The following ENG variants were observed in gnomAD, a reference collection of about 807,000 sequenced individuals.
The protein encoded by ENG is endoglin.
In ENG, 17 loss-of-function variants were observed where a neutral mutation model predicts 71.0. The ratio of observed to expected loss-of-function variants is 0.24; its 90% confidence interval spans 0.16 to 0.36. The LOEUF (loss-of-function observed/expected upper bound fraction) is 0.36. ENG is among the 10% of genes least tolerant of loss of function. The pLI is 1.00. For synonymous variants in ENG, 360 were observed against 366.9 expected (o/e 0.98, Z 0.21); for missense variants, 749 against 868.3 (o/e 0.86, Z 1.73).
chr9:127,825,165 G>A, intron 6 of ENG, 66 bp downstream of exon 6: 5 of 1,612,916 alleles, frequency 3.1e-6, no homozygotes, highest in Non-Finnish European at 4.2e-6. Flanking sequence ...CACCTTTCCA[G>A]GAAACTTCCC....
chr9:127,850,027 C>A (rs960427276), intron 1 of ENG, among the ~76,000 whole-genome samples: 2 of 152,194 alleles, frequency 1.3e-5, no homozygotes, highest in South Asian at 2.1e-4. Context: ...ATCCCACCCC[C>A]ACTCCTGCCA....
chr9:127,815,199 C>T lies in ENG; in HGVS notation c.*483G>A, dbSNP rs1309225850. On this transcript the variant is annotated 3_prime_UTR_variant, in exon 15 of 15. Coordinates refer to ENST00000373203, the MANE Select transcript of ENG (RefSeq NM_001114753.3). The stretch of plus-strand genomic sequence containing the variant: ...CTCCCAGGCTGGGCTCCGCTAGGCT[C>T]CTGTCTCCCCTGCCAGTTAGTTAGG... The T allele has an allele frequency of 6.4e-6, 1 of 155,594 alleles. No homozygotes were observed. Among genetic ancestry groups the T allele is most frequent in the Non-Finnish European group, 1.4e-5 (1 of 70,582 alleles). 9.6% of individuals were successfully genotyped at this position (155,594 alleles called of 1,614,324 possible).
At position 127,836,153 on chromosome 9, in the gene ENG, G is replaced by A. The variant is rs868092677; in HGVS notation, c.220-6326C>T. Among the ~76,000 whole-genome samples the A allele has an allele frequency of 6.6e-5, 10 of 152,272 alleles. No homozygotes were observed. The highest frequency in any genetic ancestry group is 3.4e-3 in the Middle Eastern group (1 of 294). On this transcript the variant is annotated intron_variant, in intron 2 of 14. Transcript: ENST00000373203. This position sits in a 1 kb window ranked among gnomAD's most constrained non-coding sequence, Gnocchi z 4.0. ...CACACCGACTTCCCCCTTCTCTCCC[G>A]GCCGGGGGCCCCAGAGGCAAAAAAC...
chr9:127,829,693 C>T lies in ENG; in HGVS notation c.354G>A (p.Leu118=), dbSNP rs772534014. ...HLQALGIPLH[L]AYNSSLVTFQ... is the part of the protein sequence containing the mutation. ...TTGGAGGGAACACACTCACGTAGGCCAAGTGCAGTGGGATTCCCAGGGCCT... is the reference window on the plus strand; with the variant it reads ...TTGGAGGGAACACACTCACGTAGGCTAAGTGCAGTGGGATTCCCAGGGCCT... The change falls in exon 3 of 15, where the codon TTG becomes TTA. Residue 118 remains leucine (L), a synonymous_variant. Coordinates refer to ENST00000373203, the MANE Select transcript of ENG (RefSeq NM_001114753.3). 19 of 1,613,950 alleles carry T rather than the reference C, an allele frequency of 1.2e-5. No individual in the cohort carries two copies. Among genetic ancestry groups the T allele is most frequent in the Non-Finnish European group, 1.5e-5 (18 of 1,179,998 alleles).
At chr9:127,837,283 G>T (rs1419861351) in intron 2 of ENG, among the ~76,000 whole-genome samples, 4 of 152,168 alleles carry the variant, frequency 2.6e-5, no homozygotes, top group Non-Finnish European at 5.9e-5. Context: ...GCAGGGAGGA[G>T]TTGAGCTCAG....
intron 1 of ENG, among the ~76,000 whole-genome samples, chr9:127,845,859 A>G (rs544497870): frequency 6.6e-6 from 1 of 152,238 alleles, no homozygotes; most frequent in East Asian, 1.9e-4. Flanking sequence ...GTTGTGCGCC[A>G]CCACGCCTGG....
Position 127,817,154 on chromosome 9 carries a change from A to G in ENG, c.1736T>C (p.Leu579Pro), listed in dbSNP as rs776499966. Residue 579 changes from leucine (L) to proline (P), a missense_variant, in exon 13 of 15, where the codon CTG becomes CCG. Leu to Pro is a moderately conservative substitution (Grantham distance 98). Coordinates refer to ENST00000373203, the MANE Select transcript of ENG (RefSeq NM_001114753.3). ...GAGACCTGGAGGGAGCTCACCAGAC[A>G]GGTCAGGGCTGATGATGTTCAAGCG... The part of the protein sequence containing the change: ...FMRLNIISPD[L>P]SGCTSKGLVL... The G allele has an allele frequency of 1.9e-6, 3 of 1,614,204 alleles. No individual in the cohort carries two copies. Among genetic ancestry groups the G allele is most frequent in the Non-Finnish European group, 2.5e-6 (3 of 1,180,026 alleles).
intron 4 of ENG, among the ~76,000 whole-genome samples, 186 bp from the exon 5 acceptor site, chr9:127,826,046 GT>G (rs1298288293): frequency 6.6e-6 from 1 of 152,192 alleles, no homozygotes; most frequent in Non-Finnish European, 1.5e-5. Context: ...CCCTGTGCAA[GT>G]CCCCGGGCCT....
chr9:127,819,506 A>T, intron 10 of ENG, 116 bp downstream of exon 10: 4 of 1,409,482 alleles, frequency 2.8e-6, no homozygotes, highest in Non-Finnish European at 4.0e-6. Context: ...GGCATTCCAG[A>T]CACACATGGC....
chr9:127,818,729 T>A lies in ENG; in HGVS notation c.1415A>T (p.Gln472Leu), dbSNP rs1830395519. The A allele has an allele frequency of 1.2e-6, 2 of 1,613,972 alleles. No homozygotes were observed. Among genetic ancestry groups the A allele is most frequent in the African/African-American group, 2.7e-5 (2 of 74,904 alleles). ...QASNTIEPGQ[Q>L]SFVQVRVSPS... ...CATGCCAGGTACCTGCACAAAGCTCTGCTGCCCCGGCTCGATGGTGTTGGA... is the reference window on the plus strand; with the variant it reads ...CATGCCAGGTACCTGCACAAAGCTCAGCTGCCCCGGCTCGATGGTGTTGGA... The change falls in exon 11 of 15, where the codon CAG becomes CTG. Residue 472 changes from glutamine to leucine, a missense_variant. Gln to Leu is a moderately radical substitution (Grantham distance 113, BLOSUM62 -2). Transcript: ENST00000373203.
At chr9:127,851,221 CT>C (rs900235425) in intron 1 of ENG, among the ~76,000 whole-genome samples, 36 of 151,188 alleles carry the variant, frequency 2.4e-4, no homozygotes, top group African/African-American at 7.3e-4. Flanking sequence ...CATGCTTGTT[CT>C]TTTTTTTTCT....
At chr9:127,841,977 C>T (rs1442375124) in intron 2 of ENG, among the ~76,000 whole-genome samples, 2 of 152,210 alleles carry the variant, frequency 1.3e-5, no homozygotes, top group Non-Finnish European at 2.9e-5. Context: ...ATGTGAGATG[C>T]TTAATTCCTG....
Position 127,820,982 on chromosome 9 carries a change from C to G in ENG, c.1135-945G>C, listed in dbSNP as rs118179851. On this transcript the variant is annotated intron_variant, in intron 8 of 14. Transcript: ENST00000373203. The stretch of plus-strand genomic sequence containing the variant: ...TAAAGAGCCAGATAGTAAATACTGT[C>G]ATGCACCATGGGACAATGTTGTGGT... Among the ~76,000 whole-genome samples the G allele has an allele frequency of 1.3e-3, 202 of 152,302 alleles. 5 individuals are homozygous for G. In the East Asian group the frequency reaches 0.027, roughly 20 times the overall value.
intron 3 of ENG, among the ~76,000 whole-genome samples, chr9:127,829,007 C>T (rs1289222507): frequency 6.6e-6 from 1 of 152,192 alleles, no homozygotes; most frequent in Non-Finnish European, 1.5e-5. Context: ...TCCTCCAGCC[C>T]TGACCTCTGG....
At chr9:127,825,640 G>T (rs1830593534) in intron 5 of ENG, 55 bp downstream of exon 5, 1 of 1,395,578 alleles carries the variant, frequency 7.2e-7, no homozygotes, top group Non-Finnish European at 9.5e-7. Flanking sequence ...GGGGGGGTCA[G>T]GGGGGTGGTC....
chr9:127,825,594 T>G, intron 5 of ENG, 101 bp downstream of exon 5: 3 of 1,075,020 alleles, frequency 2.8e-6, no homozygotes, highest in Non-Finnish European at 3.7e-6. Context: ...GGGCTGGGAC[T>G]GGGGTGGGGC....
chr9:127,815,967 G>A lies in ENG; in HGVS notation c.1828C>T (p.Leu610Phe). The A allele has an allele frequency of 6.2e-7, 1 of 1,605,186 alleles. No homozygotes were observed. Residue 610 changes from leucine (L) to phenylalanine (F), a missense_variant, in exon 14 of 15, where the codon CTC becomes TTC. Physicochemically the swap from Leu to Phe is conservative, Grantham distance 22. Coordinates refer to ENST00000373203, the MANE Select transcript of ENG (RefSeq NM_001114753.3). ...FLIGALLTAA[L>F]WYIYSHTRSP... ...CGCGTGTGCGAGTAGATGTACCAGA[G>A]TGCAGCAGTGAGCAGGGCCCCGATG...
intron 1 of ENG, among the ~76,000 whole-genome samples, chr9:127,848,437 T>C (rs1436919588): frequency 6.6e-6 from 1 of 152,058 alleles, no homozygotes; most frequent in Non-Finnish European, 1.5e-5. Flanking sequence ...TATGAGTCAT[T>C]ATGCCCAACT....
At chr9:127,839,554 T>G (rs41528450) in intron 2 of ENG, among the ~76,000 whole-genome samples, 449 of 152,158 alleles carry the variant, frequency 3.0e-3, no homozygotes, top group Non-Finnish European at 4.8e-3. Context: ...TAATCTTTTT[T>G]TTGTTGTTGT....
Sources: allele counts gnomAD v4.1 joint callset (sites outside exome capture counted in the v4.1 genomes callset), GRCh38; gene constraint gnomAD v4.1.1; non-coding constraint Gnocchi (gnomAD v3.1); transcripts MANE v1.5; gene names NCBI Gene and HGNC (gene_info 2026-07-23, HGNC 2026-07-21).